Variants in SCGB2B2 observed in about 807,000 individuals in gnomAD.
SCGB2B2 encodes the protein secretoglobin family 2B member 2.
A neutral mutation model predicts 7.6 loss-of-function variants in SCGB2B2; 11 were observed. The observed-to-expected ratio is 1.45, with a 90% CI of 0.91 to 2.40. The LOEUF (loss-of-function observed/expected upper bound fraction) is 2.40, where lower values mean the gene tolerates loss of function less well. Ranked by LOEUF, SCGB2B2 falls within the 30% of genes most tolerant of loss-of-function variation. The pLI is 0.00. For synonymous variants in SCGB2B2, 50 were observed against 48.6 expected, an observed-to-expected ratio of 1.03 and a Z score of -0.12; for missense variants, 104 against 115.4, an observed-to-expected ratio of 0.90 and a Z score of 0.45.
chr19:34,657,382 C>T (rs1422114543), intron 1 of SCGB2B2, among the ~76,000 whole-genome samples: 1 of 150,866 alleles, frequency 6.6e-6, no homozygotes, highest in Non-Finnish European at 1.5e-5. Flanking sequence ...TGCACATAGG[C>T]TCAAAATAAA....
chr19:34,631,743 A>G (rs1303213763), intron 1 of SCGB2B2, among the ~76,000 whole-genome samples: 1 of 152,178 alleles, frequency 6.6e-6, no homozygotes, highest in Non-Finnish European at 1.5e-5. Context: ...CAATACTTTT[A>G]TTAGAAAATG....
chr19:34,663,347 CATG>C (rs1328137783), intron 1 of SCGB2B2, among the ~76,000 whole-genome samples: 2 of 152,190 alleles, frequency 1.3e-5, no homozygotes, highest in Non-Finnish European at 2.9e-5. Flanking sequence ...TAGTGTTGTT[CATG>C]ATAATAGAAT....
In SCGB2B2 at chr19:34,594,908, A is replaced by C; in HGVS notation, c.-345T>G. The C allele has an allele frequency of 6.1e-6, 2 of 329,548 alleles. No individual in the cohort carries two copies. Among genetic ancestry groups the C allele is most frequent in the South Asian group, 3.8e-5 (1 of 26,558 alleles). 20.4% of individuals were successfully genotyped at this position (329,548 alleles called of 1,614,324 possible). The stretch of plus-strand genomic sequence containing the variant: ...AAGTCTGAGTGTGCATGCACATGTG[A>C]CCCTGTGTCTTGGCAAACGTGTGTC... On this transcript the variant is annotated 5_prime_UTR_variant, in exon 2 of 4. Transcript: ENST00000601241.
chr19:34,667,338 A>G (rs929947119), intron 1 of SCGB2B2, among the ~76,000 whole-genome samples: 2 of 151,684 alleles, frequency 1.3e-5, no homozygotes, highest in East Asian at 3.9e-4. Flanking sequence ...GAAATCAACA[A>G]CCAGGGTGCC....
At position 34,593,462 on chromosome 19, in the gene SCGB2B2, G is replaced by T; in HGVS notation, c.*93C>A. On this transcript the variant is annotated 3_prime_UTR_variant, in exon 4 of 4. Transcript: ENST00000601241. ...GAACTGAGCTGCAGGTGTTCATTGGGGTCTCTGTAGTGATGAACAGAGCCA... is the reference window on the plus strand; with the variant it reads ...GAACTGAGCTGCAGGTGTTCATTGGTGTCTCTGTAGTGATGAACAGAGCCA... 2 of 900,488 alleles carry T rather than the reference G, an allele frequency of 2.2e-6. No individual in the cohort carries two copies. Among genetic ancestry groups the T allele is most frequent in the Non-Finnish European group, 3.5e-6 (2 of 567,292 alleles). The allele number at this position is 900,488 out of a possible 1,614,324, so 55.8% of individuals were successfully genotyped here. A position where few individuals can be genotyped will look rare whatever the true frequency, so the allele number is the denominator to read the frequency against.
chr19:34,617,783 TC>T (rs2066126136), intron 1 of SCGB2B2, among the ~76,000 whole-genome samples: 1 of 152,194 alleles, frequency 6.6e-6, no homozygotes, highest in Non-Finnish European at 1.5e-5. Context: ...AGGGAATGCT[TC>T]CAGTTTTTGC....
chr19:34,590,501 T>C (rs899197), downstream of SCGB2B2, among the ~76,000 whole-genome samples: 95,249 of 152,044 alleles, frequency 0.63, 30,163 homozygotes, highest in East Asian at 0.9. Context: ...TCCATTCTTT[T>C]ATCTGTTTCA....
chr19:34,646,130 C>T (rs1164454697), intron 1 of SCGB2B2: 13 of 171,704 alleles, frequency 7.6e-5, no homozygotes, highest in Non-Finnish European at 1.4e-4. Flanking sequence ...TTATGCCCTG[C>T]ACTTACCTTC....
In SCGB2B2 at chr19:34,597,969, G is replaced by T. The variant is rs118083191; in HGVS notation, c.-2031-1375C>A. Among the ~76,000 whole-genome samples the T allele has an allele frequency of 2.5e-3, 385 of 152,160 alleles. 1 individual carries two copies. The highest frequency in any genetic ancestry group is 4.1e-3 in the Admixed American group (63 of 15,296). On this transcript the variant is annotated intron_variant, in intron 1 of 3. Coordinates refer to ENST00000601241, the MANE Select transcript of SCGB2B2 (RefSeq NM_001025591.4). ...GAGTCCTGGAGAATGGAGTGAGGGG[G>T]CAGAGGGGGCAGAGAATGGAGGGGT... is the stretch of plus-strand genomic sequence containing the variant.
intron 1 of SCGB2B2, among the ~76,000 whole-genome samples, chr19:34,653,803 T>G (rs2067219282): frequency 6.6e-6 from 1 of 151,102 alleles, no homozygotes; most frequent in Admixed American, 6.6e-5. Context: ...AAATAGATAC[T>G]GAAGGAACTT....
At chr19:34,664,683 G>A (rs1417092441) in intron 1 of SCGB2B2, among the ~76,000 whole-genome samples, 4 of 152,094 alleles carry the variant, frequency 2.6e-5, no homozygotes, top group African/African-American at 4.8e-5. Context: ...CTCCTTGTCC[G>A]GAAGCTCTAG....
At chr19:34,586,985 G>A (rs369352188), downstream of SCGB2B2, among the ~76,000 whole-genome samples, 3 of 152,218 alleles carry the variant, frequency 2.0e-5, no homozygotes, top group African/African-American at 7.2e-5. Flanking sequence ...TCGGCTCACC[G>A]CAATCTCTGC....
chr19:34,608,303 T>C (rs937539545), intron 1 of SCGB2B2, among the ~76,000 whole-genome samples: 3 of 152,010 alleles, frequency 2.0e-5, no homozygotes, highest in Non-Finnish European at 2.9e-5. Flanking sequence ...TGTATGTATA[T>C]TTTGTATCCT....
chr19:34,625,660 G>A (rs1031260226), intron 1 of SCGB2B2, among the ~76,000 whole-genome samples: 9 of 152,194 alleles, frequency 5.9e-5, no homozygotes, highest in Non-Finnish European at 1.3e-4. Context: ...GCTCAAGGAG[G>A]CCTGCTTGCC....
At chr19:34,605,782 C>T (rs1315336564) in intron 1 of SCGB2B2, among the ~76,000 whole-genome samples, 1 of 151,880 alleles carries the variant, frequency 6.6e-6, no homozygotes, top group Admixed American at 6.6e-5. Flanking sequence ...TTAGTAGACA[C>T]GGGGTTCCTC....
At chr19:34,635,568 T>C (rs1047024756) in intron 1 of SCGB2B2, 5 of 236,452 alleles carry the variant, frequency 2.1e-5, no homozygotes, top group African/African-American at 7.0e-5. Flanking sequence ...GCTAGAGTTA[T>C]GACTGAAGAA....
rs184725315 is a variant in SCGB2B2 at position 34,624,195 on chromosome 19, A to G, written c.-2031-27601T>C. 9.3e-4 allele frequency among the ~76,000 whole-genome samples: 141 copies of G among 152,298 alleles called. 2 individuals carry two copies. The East Asian group carries it at 0.026, about 28-fold the overall frequency. On this transcript the variant is annotated intron_variant, in intron 1 of 3. Transcript: ENST00000601241. The stretch of plus-strand genomic sequence containing the variant: ...TGTCCCCACAATATGCCTCCCAGCA[A>G]AAATACAATTTGTCTCATGGAGGAA...
At position 34,596,905 on chromosome 19, in the gene SCGB2B2, G is replaced by A. The variant is rs545276755; in HGVS notation, c.-2031-311C>T. ...TCTGGACCCCAGAGCACTGTGTCCC[G>A]TCTCAACCCCCACAGCTGCAAGTGG... On this transcript the variant is annotated intron_variant, in intron 1 of 3. Coordinates refer to ENST00000601241, the MANE Select transcript of SCGB2B2 (RefSeq NM_001025591.4). Among the ~76,000 whole-genome samples, 188 of 151,998 alleles carry A rather than the reference G, an allele frequency of 1.2e-3. 1 individual carries two copies. Among genetic ancestry groups the A allele is most frequent in the African/African-American group, 4.2e-3 (175 of 41,490 alleles).
At chr19:34,613,203 A>T (rs890036813) in intron 1 of SCGB2B2, among the ~76,000 whole-genome samples, 2 of 151,744 alleles carry the variant, frequency 1.3e-5, no homozygotes, top group South Asian at 4.2e-4. Context: ...GGTTCAAGTG[A>T]TTCTCCTGCC....
Sources: allele counts gnomAD v4.1 joint callset (sites outside exome capture counted in the v4.1 genomes callset), GRCh38; gene constraint gnomAD v4.1.1; transcripts MANE v1.5; gene names NCBI Gene and HGNC (gene_info 2026-07-23, HGNC 2026-07-21).